Variants in HEG1 observed in about 807,000 individuals in gnomAD.
HEG1 encodes the protein protein HEG homolog 1.
In HEG1, 56 loss-of-function variants were observed where a neutral mutation model predicts 125.6. That is an observed-to-expected ratio of 0.45 (90% CI 0.36 to 0.56). The LOEUF (loss-of-function observed/expected upper bound fraction) is 0.56. Ranked by LOEUF, HEG1 falls within the 20% of genes least tolerant of loss-of-function variation. The pLI is 0.00. For missense variants in HEG1, 1,523 were observed against 1,670.0 expected (o/e 0.91, Z 1.53); for synonymous variants, 644 against 668.5 (o/e 0.96, Z 0.57).
chr3:125,036,114 G>A (rs1316892414), intron 1 of HEG1, among the ~76,000 whole-genome samples: 1 of 149,956 alleles, frequency 6.7e-6, no homozygotes, highest in Admixed American at 6.7e-5. Flanking sequence ...GGAGGCTAGG[G>A]TGGGAGGACT....
At chr3:125,004,558 C>T (rs551215313) in intron 9 of HEG1, among the ~76,000 whole-genome samples, 14 of 152,030 alleles carry the variant, frequency 9.2e-5, no homozygotes, top group African/African-American at 3.1e-4. Flanking sequence ...TGTTCGATCA[C>T]GGCTCACCAC....
Position 124,997,744 on chromosome 3 carries a change from C to A in HEG1, c.3597G>T (p.Leu1199=). 1 of 1,595,490 alleles carries A rather than the reference C, an allele frequency of 6.3e-7. No individual in the cohort carries two copies. Among genetic ancestry groups the A allele is most frequent in the Non-Finnish European group, 8.6e-7 (1 of 1,167,434 alleles). The change falls in exon 12 of 17, where the codon CTG becomes CTT. Residue 1199 remains leucine (L), a synonymous_variant. Transcript: ENST00000311127. The part of the protein sequence containing the change: ...SICTDLDGVA[L]CQCKSGYFQF... The stretch of plus-strand genomic sequence containing the variant: ...GAAAGTATCCCGACTTGCACTGGCA[C>A]AGGGCAACGCCGTCCAGGTCAGTGC...
In HEG1 at chr3:125,027,459, C is replaced by T. The variant is rs750844448; in HGVS notation, c.659G>A (p.Arg220Lys). The T allele has an allele frequency of 9.9e-6, 16 of 1,613,474 alleles. No homozygotes were observed. The highest frequency in any genetic ancestry group is 1.3e-5 in the Non-Finnish European group (15 of 1,179,760). Residue 220 changes from arginine (R) to lysine (K), a missense_variant, in exon 3 of 17, where the codon AGA becomes AAA. Transcript: ENST00000311127. The part of the protein sequence containing the change: ...LPSSSSEFDE[R>K]IAAFQTKSGT... ...ACTCTTTGTTTGAAAAGCGGCAATT[C>T]TTTCATCGAACTCTGAACTGCTGGA...
At chr3:124,985,405 T>G (rs541712267) in intron 14 of HEG1, among the ~76,000 whole-genome samples, 99 of 152,330 alleles carry the variant, frequency 6.5e-4, no homozygotes, top group Admixed American at 2.4e-3. Context: ...AAAAGGAATT[T>G]ATTTTAAAAA....
chr3:124,973,827 T>G lies in HEG1; in HGVS notation c.3900A>C (p.Lys1300Asn). The G allele has an allele frequency of 6.2e-7, 1 of 1,613,826 alleles. No homozygotes were observed. The highest frequency in any genetic ancestry group is 8.5e-7 in the Non-Finnish European group (1 of 1,179,724). ...FQMSPYAEYPKNPRSQEWGRE... is the reference protein window; with the variant it reads ...FQMSPYAEYPNNPRSQEWGRE... ...GGCCCCATTCTTGTGAGCGAGGATT[T>G]TTGGGGTATTCAGCATACGGGGACA... Residue 1300 changes from lysine (K) to asparagine (N), a missense_variant, in exon 16 of 17, where the codon AAA (lysine) becomes AAC (asparagine). Coordinates refer to ENST00000311127, the MANE Select transcript of HEG1 (RefSeq NM_020733.2).
At chr3:124,978,068 A>G (rs1254580873) in intron 14 of HEG1, 122 bp from the exon 15 acceptor site, 2 of 629,248 alleles carry the variant, frequency 3.2e-6, no homozygotes, top group East Asian at 2.9e-5. Flanking sequence ...GCCCTCGCCT[A>G]CAACTTCCTA....
chr3:124,984,660 G>C (rs999337069), intron 14 of HEG1, among the ~76,000 whole-genome samples: 1 of 152,126 alleles, frequency 6.6e-6, no homozygotes, highest in Admixed American at 6.5e-5. Context: ...TCAGGAGGCT[G>C]AGGTAGGAGA....
At chr3:125,005,525 T>C (rs1353581502) in intron 8 of HEG1, among the ~76,000 whole-genome samples, 157 bp from the exon 9 acceptor site, 1 of 152,208 alleles carries the variant, frequency 6.6e-6, no homozygotes, top group Non-Finnish European at 1.5e-5. Context: ...CTCCCTCTTC[T>C]AGATTTTTCT....
rs573008524 is a variant in HEG1 at position 124,968,854 on chromosome 3, T to A, written c.*1798A>T. ...CCAAGATTTCAAAAAGGCGACACTT[T>A]GAAATTTTAGGTTAGCCTCCACTGA... On this transcript the variant is annotated 3_prime_UTR_variant, in exon 17 of 17. Coordinates refer to ENST00000311127, the MANE Select transcript of HEG1 (RefSeq NM_020733.2). 6.6e-6 allele frequency: 1 copy of A among 152,350 alleles called. No individual in the cohort carries two copies. Among genetic ancestry groups the A allele is most frequent in the Non-Finnish European group, 1.5e-5 (1 of 68,032 alleles). The allele number at this position is 152,350 out of a possible 1,614,324, so 9.4% of individuals were successfully genotyped here.
At chr3:125,015,090 G>T in intron 5 of HEG1, 1 of 1,035,454 alleles carries the variant, frequency 9.7e-7, no homozygotes, top group Non-Finnish European at 1.2e-6. Context: ...CTCACTTCCT[G>T]GGCTGTGGGA....
Position 125,013,366 on chromosome 3 carries a change from A to G in HEG1, c.2213T>C (p.Leu738Ser). The G allele has an allele frequency of 6.2e-7, 1 of 1,613,986 alleles. No homozygotes were observed. Among genetic ancestry groups the G allele is most frequent in the Non-Finnish European group, 8.5e-7 (1 of 1,179,882 alleles). Reference sequence around the variant, plus strand: ...GACAGGGGTAGAAGATGACTGTGGCAAGGTTGTTTGTGAGACAGAAAGTGG... The same window carrying G: ...GACAGGGGTAGAAGATGACTGTGGCGAGGTTGTTTGTGAGACAGAAAGTGG... ...SAPLSVSQTT[L>S]PQSSSTPVLP... Residue 738 changes from leucine (L) to serine (S), a missense_variant, in exon 6 of 17, where the codon TTG (leucine) becomes TCG (serine). Leu to Ser is a moderately radical substitution (Grantham distance 145). Coordinates refer to ENST00000311127, the MANE Select transcript of HEG1 (RefSeq NM_020733.2).
At chr3:125,010,683 C>G in intron 6 of HEG1, 128 bp from the exon 7 acceptor site, 3 of 672,128 alleles carry the variant, frequency 4.5e-6, no homozygotes, top group Non-Finnish European at 7.5e-6. Context: ...CCCTGAAAGG[C>G]CACATTACAA....
chr3:125,005,358 G>A lies in HEG1; in HGVS notation c.3204C>T (p.Phe1068=), dbSNP rs777964757. 12 of 1,557,822 alleles carry A rather than the reference G, an allele frequency of 7.7e-6. No individual in the cohort carries two copies. Among genetic ancestry groups the A allele is most frequent in the African/African-American group, 6.8e-5 (5 of 73,030 alleles). Reference sequence around the variant, plus strand: ...TTCTCTTTAATTTAAACTCTGTCACGAAGGTTCTAACTGAAAATGAAAATG... The same window carrying A: ...TTCTCTTTAATTTAAACTCTGTCACAAAGGTTCTAACTGAAAATGAAAATG... The part of the protein sequence containing the change: ...EKGICNLVRT[F]VTEFKLKRTF... The change falls in exon 9 of 17, where the codon TTC becomes TTT. Residue 1068 remains phenylalanine (F), a synonymous_variant. Coordinates refer to ENST00000311127, the MANE Select transcript of HEG1 (RefSeq NM_020733.2).
intron 1 of HEG1, among the ~76,000 whole-genome samples, chr3:125,054,859 A>AT (rs1238430700): frequency 6.6e-6 from 1 of 152,142 alleles, no homozygotes; most frequent in Non-Finnish European, 1.5e-5. Context: ...TATGTGGCAT[A>AT]TTTTTCCAGA....
Position 125,012,594 on chromosome 3 carries a change from T to C in HEG1, c.2956+29A>G, listed in dbSNP as rs554413233. ...TCAGTGCTGGACTGGGCCTTGCAGT[T>C]AACATGTGCTTGTGTGACTGTGTTT... On this transcript the variant is annotated intron_variant, in intron 6 of 16. Transcript: ENST00000311127. 14 of 1,593,570 alleles carry C rather than the reference T, an allele frequency of 8.8e-6. No individual in the cohort carries two copies. The East Asian group carries it at 3.1e-4, about 36-fold the overall frequency.
chr3:125,051,456 C>G (rs2333037), intron 1 of HEG1, among the ~76,000 whole-genome samples: 9,761 of 152,242 alleles, frequency 0.064, 608 homozygotes, highest in African/African-American at 0.16. Context: ...TGGATTTGGT[C>G]AAAATCTATT....
Position 124,970,818 on chromosome 3 carries a change from AAAG to A in HEG1, c.3997-20_3997-18del, listed in dbSNP as rs754461154. The A allele has an allele frequency of 3.8e-6, 6 of 1,597,496 alleles. No individual in the cohort carries two copies. Among genetic ancestry groups the A allele is most frequent in the Non-Finnish European group, 4.3e-6 (5 of 1,171,488 alleles). On this transcript the variant is annotated intron_variant, in intron 16 of 16. Transcript: ENST00000311127. ...ACTTGTAGGCTGGTTGCCAAAGAGAAAAGAAGAAAAGTCAATTTATCATTCTTG... is the reference window on the plus strand; with the variant it reads ...ACTTGTAGGCTGGTTGCCAAAGAGAAAAGAAAAGTCAATTTATCATTCTTG...
chr3:125,004,127 A>G (rs1419817231), intron 9 of HEG1, among the ~76,000 whole-genome samples: 3 of 152,222 alleles, frequency 2.0e-5, no homozygotes, highest in Non-Finnish European at 2.9e-5. Flanking sequence ...TGCCTGTTAC[A>G]GGAGTGCGCC....
chr3:125,005,998 T>C (rs1937066616), intron 8 of HEG1, among the ~76,000 whole-genome samples: 1 of 152,160 alleles, frequency 6.6e-6, no homozygotes, highest in Non-Finnish European at 1.5e-5. Context: ...CTAAGAAAGC[T>C]CACCCAGGCT....
Sources: allele counts gnomAD v4.1 joint callset (sites outside exome capture counted in the v4.1 genomes callset), GRCh38; gene constraint gnomAD v4.1.1; transcripts MANE v1.5; gene names NCBI Gene and HGNC (gene_info 2026-07-23, HGNC 2026-07-21).